The following SUMF1 variants were observed in gnomAD, a reference collection of about 807,000 sequenced individuals.
SUMF1 encodes sulfatase modifying factor 1.
A neutral mutation model predicts 47.6 loss-of-function variants in SUMF1; 48 were observed. The ratio of observed to expected loss-of-function variants is 1.01; its 90% CI spans 0.80 to 1.28. The LOEUF is 1.28. Ranked by LOEUF, SUMF1 falls within the 50% of genes most tolerant of loss-of-function variation. The pLI is 0.00. For synonymous variants in SUMF1, 230 were observed against 192.1 expected, an observed-to-expected ratio of 1.20 and a Z score of -1.63; for missense variants, 571 against 485.4, an observed-to-expected ratio of 1.18 and a Z score of -1.66.
intron 9 of SUMF1, among the ~76,000 whole-genome samples, chr3:4,060,551 G>A (rs1695260891): frequency 6.6e-6 from 1 of 152,122 alleles, no homozygotes; most frequent in African/African-American, 2.4e-5. Context: ...AGAGTCTTGG[G>A]TAGGACCCCA....
At position 4,176,488 on chromosome 3, in the gene SUMF1, T is replaced by A. The variant is rs141091144; in HGVS notation, c.1015-107743A>T. On this transcript the variant is annotated intron_variant and NMD_transcript_variant, in intron 8 of 12. Transcript: ENST00000448413. ...AAATCCTTTACAGAAAAGCAAATGC[T>A]GAGAGATTTTGTCACCACCAGGCCT... is the stretch of plus-strand genomic sequence containing the variant. Among the ~76,000 whole-genome samples the A allele has an allele frequency of 8.3e-4, 126 of 152,278 alleles. 4 individuals are homozygous for A. The East Asian group carries it at 0.022, about 26-fold the overall frequency.
At chr3:4,413,069 A>G (rs1032719631) in intron 6 of SUMF1, among the ~76,000 whole-genome samples, 3 of 151,914 alleles carry the variant, frequency 2.0e-5, no homozygotes, top group Non-Finnish European at 4.4e-5. Flanking sequence ...CAGTGATGCA[A>G]TCACAGCTCA....
At chr3:4,085,890 ATTCCT>A (rs1692661869) in intron 8 of SUMF1, among the ~76,000 whole-genome samples, 1 of 152,116 alleles carries the variant, frequency 6.6e-6, no homozygotes, top group Non-Finnish European at 1.5e-5. Context: ...GTTATCAATC[ATTCCT>A]TTCCTCTTCT....
chr3:4,281,978 A>G (rs1697538845), intron 8 of SUMF1, among the ~76,000 whole-genome samples: 1 of 152,222 alleles, frequency 6.6e-6, no homozygotes, highest in South Asian at 2.1e-4. Flanking sequence ...AATGAAGAAG[A>G]TTGTATAGGT....
Position 4,303,538 on chromosome 3 carries a change from G to A in SUMF1, c.1014+72792C>T, listed in dbSNP as rs532119181. The A allele has an allele frequency of 4.6e-5, 63 of 1,366,906 alleles. 1 individual carries two copies. Among genetic ancestry groups the A allele is most frequent in the South Asian group, 4.4e-4 (23 of 52,210 alleles). The allele number at this position is 1,366,906 out of a possible 1,614,324, so 84.7% of individuals were successfully genotyped here. Reference sequence around the variant, plus strand: ...CGGCGCCCTTCCAGGTAGGGGCGGGGCCAGGCGGCGCGGGAGGCGGGCGCG... The same window carrying A: ...CGGCGCCCTTCCAGGTAGGGGCGGGACCAGGCGGCGCGGGAGGCGGGCGCG... On this transcript the variant is annotated intron_variant and NMD_transcript_variant, in intron 8 of 12. Transcript: ENST00000448413.
At chr3:4,415,203 G>A (rs1312823726) in intron 6 of SUMF1, among the ~76,000 whole-genome samples, 22 of 142,714 alleles carry the variant, frequency 1.5e-4, no homozygotes, top group African/African-American at 4.0e-4. Flanking sequence ...CTCCAGCCTC[G>A]GCAACAGAGT....
At chr3:4,157,680 C>T (rs927575002) in intron 8 of SUMF1, among the ~76,000 whole-genome samples, 1 of 151,478 alleles carries the variant, frequency 6.6e-6, no homozygotes, top group Non-Finnish European at 1.5e-5. Flanking sequence ...TATAGCTCTG[C>T]TTATCTCTAT....
intron 8 of SUMF1, among the ~76,000 whole-genome samples, chr3:4,083,332 C>T (rs183787601): frequency 1.9e-4 from 29 of 152,198 alleles, no homozygotes; most frequent in Admixed American, 5.9e-4. Flanking sequence ...TACTAAAAAT[C>T]ACTGGAACCT....
chr3:4,413,012 T>G (rs1277963272), intron 6 of SUMF1, among the ~76,000 whole-genome samples: 2 of 152,074 alleles, frequency 1.3e-5, no homozygotes, highest in Non-Finnish European at 2.9e-5. Context: ...GCATCAATAC[T>G]ATTTTTTTTT....
At chr3:4,392,106 G>C (rs1268841198) in intron 7 of SUMF1, among the ~76,000 whole-genome samples, 2 of 152,102 alleles carry the variant, frequency 1.3e-5, no homozygotes, top group African/African-American at 4.8e-5. Flanking sequence ...AGGATTATAG[G>C]TGTGAGCCAC....
At chr3:4,226,501 C>T (rs924023017) in intron 8 of SUMF1, among the ~76,000 whole-genome samples, 2 of 151,932 alleles carry the variant, frequency 1.3e-5, no homozygotes, top group East Asian at 1.9e-4. Context: ...ATCCCTTGAC[C>T]TCATGATTTG....
intron 8 of SUMF1, among the ~76,000 whole-genome samples, chr3:4,151,372 C>T (rs1694319860): frequency 7.0e-6 from 1 of 142,822 alleles, no homozygotes. Context: ...TATATATATA[C>T]ATGTGTGTAT....
At chr3:4,402,317 T>C (rs112305214) in intron 7 of SUMF1, among the ~76,000 whole-genome samples, 30 of 152,266 alleles carry the variant, frequency 2.0e-4, no homozygotes, top group African/African-American at 7.0e-4. Context: ...TTTCTAAAGG[T>C]ACCTCCTCCA....
chr3:4,303,424 G>A, intron 8 of SUMF1: 1 of 1,555,010 alleles, frequency 6.4e-7, no homozygotes, highest in Non-Finnish European at 8.7e-7. Flanking sequence ...CGGAGTTTAA[G>A]GAGAAGCCTG....
At chr3:4,134,092 T>TGAACTCA (rs1457226487) in intron 8 of SUMF1, among the ~76,000 whole-genome samples, 8 of 152,038 alleles carry the variant, frequency 5.3e-5, no homozygotes, top group African/African-American at 1.9e-4. Flanking sequence ...ATCCAGGAAT[T>TGAACTCA]GAACTCAGCT....
intron 9 of SUMF1, among the ~76,000 whole-genome samples, chr3:4,034,887 A>T (rs1694763690): frequency 6.6e-6 from 1 of 151,902 alleles, no homozygotes; most frequent in Non-Finnish European, 1.5e-5. Context: ...GTCAGACTAA[A>T]CTTGACAATG....
At chr3:4,273,125 C>T (rs971690729) in intron 8 of SUMF1, among the ~76,000 whole-genome samples, 14 of 147,210 alleles carry the variant, frequency 9.5e-5, no homozygotes, top group East Asian at 7.8e-4. Context: ...TATACACACA[C>T]ATATATATAT....
chr3:4,294,160 A>T (rs953040284), intron 8 of SUMF1, among the ~76,000 whole-genome samples: 2 of 152,230 alleles, frequency 1.3e-5, no homozygotes, highest in East Asian at 3.8e-4. Flanking sequence ...GTAATGTTTA[A>T]GTATAGTATC....
chr3:4,297,218 C>A (rs1233777930), intron 8 of SUMF1, among the ~76,000 whole-genome samples: 1 of 126,776 alleles, frequency 7.9e-6, no homozygotes, highest in African/African-American at 2.9e-5. Context: ...TGTGAGCCCA[C>A]CCCGTTAGAC....
Sources: allele counts gnomAD v4.1 joint callset (sites outside exome capture counted in the v4.1 genomes callset), GRCh38; gene constraint gnomAD v4.1.1; transcripts MANE v1.5; gene names NCBI Gene and HGNC (gene_info 2026-07-23, HGNC 2026-07-21).